GAS2L3: variants seen among roughly 807,000 people sequenced by gnomAD.
GAS2L3 encodes the protein GAS2-like protein 3.
In GAS2L3, 28 loss-of-function variants were observed where a neutral mutation model predicts 37.0. The observed-to-expected ratio is 0.76, with a 90% confidence interval of 0.56 to 1.04. The LOEUF is 1.04. Among genes scored for constraint, GAS2L3 ranks in the 50% least tolerant of loss-of-function variants. GAS2L3 has a pLI of 0.00. For missense variants in GAS2L3, 793 were observed against 817.6 expected (o/e 0.97, Z 0.37); for synonymous variants, 290 against 296.6 (o/e 0.98, Z 0.23).
intron 1 of GAS2L3, chr12:100,578,531 G>T: frequency 6.1e-6 from 1 of 162,810 alleles, no homozygotes; most frequent in Admixed American, 6.0e-5. Flanking sequence ...AACAGATTAG[G>T]TTAGCTGCAT....
At chr12:100,599,002 C>T (rs1364761144) in intron 3 of GAS2L3, among the ~76,000 whole-genome samples, 3 of 152,122 alleles carry the variant, frequency 2.0e-5, no homozygotes, top group Non-Finnish European at 4.4e-5. Context: ...GGACGTTCCC[C>T]CTTTGCACCT....
chr12:100,622,944 T>A lies in GAS2L3; in HGVS notation c.756+562T>A, dbSNP rs76154180. Among the ~76,000 whole-genome samples, 99 of 152,192 alleles carry A rather than the reference T, an allele frequency of 6.5e-4. No homozygotes were observed. The East Asian group carries it at 0.013, about 20-fold the overall frequency. On this transcript the variant is annotated intron_variant, in intron 9 of 9. Coordinates refer to ENST00000547754, the MANE Select transcript of GAS2L3 (RefSeq NM_174942.3). The stretch of plus-strand genomic sequence containing the variant: ...ACAGTTGATTAATTGTTCCTTTTGT[T>A]GGTAAGGAGATTGAAATTTCACCTG...
chr12:100,601,897 A>G (rs1955995002), intron 5 of GAS2L3, 144 bp downstream of exon 5: 1 of 431,486 alleles, frequency 2.3e-6, no homozygotes, highest in African/African-American at 2.0e-5. Flanking sequence ...CAAGATCTGG[A>G]AAAATGTTCT....
rs1002990105 is a variant in GAS2L3, at chr12:100,625,353, G to C, written c.*463G>C. 6.5e-6 allele frequency: 1 copy of C among 153,652 alleles called. No individual in the cohort carries two copies. The highest frequency in any genetic ancestry group is 2.4e-5 in the African/African-American group (1 of 41,176). The allele number at this position is 153,652 out of a possible 1,614,324, so 9.5% of individuals were successfully genotyped here. A position where few individuals can be genotyped will look rare whatever the true frequency, so the allele number is the denominator to read the frequency against. On this transcript the variant is annotated 3_prime_UTR_variant, in exon 10 of 10. Coordinates refer to ENST00000547754, the MANE Select transcript of GAS2L3 (RefSeq NM_174942.3). ...ACAGTTTGGCACTTGTCCTACAAAA[G>C]GCACCTAATTTAATTTTCTGATCAG... is the stretch of plus-strand genomic sequence containing the variant.
chr12:100,587,234 A>G (rs1955792531), intron 1 of GAS2L3, among the ~76,000 whole-genome samples: 1 of 152,230 alleles, frequency 6.6e-6, no homozygotes, highest in Non-Finnish European at 1.5e-5. Flanking sequence ...CTATGTAGCC[A>G]GCATCACCCT....
intron 1 of GAS2L3, among the ~76,000 whole-genome samples, chr12:100,585,957 T>C (rs1955776392): frequency 6.6e-6 from 1 of 152,208 alleles, no homozygotes; most frequent in Non-Finnish European, 1.5e-5. Flanking sequence ...TTCTTTTTCC[T>C]ACATATTCAT....
intron 1 of GAS2L3, among the ~76,000 whole-genome samples, chr12:100,575,374 T>C (rs566582860): frequency 4.3e-4 from 66 of 152,194 alleles, no homozygotes; most frequent in African/African-American, 1.6e-3. Flanking sequence ...ACACGTGGAT[T>C]ACTATTTATC....
At chr12:100,587,745 A>T (rs35692) in intron 1 of GAS2L3, among the ~76,000 whole-genome samples, 78,212 of 152,094 alleles carry the variant, frequency 0.51, 20,570 homozygotes, top group South Asian at 0.71. Context: ...AGCAGTGAGA[A>T]AAGAGAAAGA....
At chr12:100,595,411 TG>T (rs1235729381) in intron 3 of GAS2L3, among the ~76,000 whole-genome samples, 136 of 151,464 alleles carry the variant, frequency 9.0e-4, no homozygotes, top group African/African-American at 3.1e-3. Flanking sequence ...TTTTTTTTTT[TG>T]TTTTGTTTTT....
At chr12:100,580,314 T>G (rs182527491) in intron 1 of GAS2L3, 50 of 350,774 alleles carry the variant, frequency 1.4e-4, no homozygotes, top group African/African-American at 1.0e-3. Flanking sequence ...GTTAATTTAG[T>G]AAGTTATGCT....
chr12:100,624,918 A>G lies in GAS2L3; in HGVS notation c.*28A>G. 1 of 1,477,224 alleles carries G rather than the reference A, an allele frequency of 6.8e-7. No individual in the cohort carries two copies. The highest frequency in any genetic ancestry group is 9.2e-7 in the Non-Finnish European group (1 of 1,085,210). 91.5% of individuals were successfully genotyped at this position (1,477,224 alleles called of 1,614,324 possible). ...ACATACTCATTATAAAAAAAGAGAA[A>G]AGGAAGAATGAATGTGTTAGCTTCA... On this transcript the variant is annotated 3_prime_UTR_variant, in exon 10 of 10. Transcript: ENST00000547754.
intron 1 of GAS2L3, among the ~76,000 whole-genome samples, chr12:100,576,609 T>C (rs1350994903): frequency 3.3e-5 from 5 of 152,194 alleles, no homozygotes; most frequent in African/African-American, 7.2e-5. Flanking sequence ...TCTTGATTTT[T>C]AATTAGAGTT....
At position 100,585,054 on chromosome 12, in the gene GAS2L3, A is replaced by ATT. The variant is rs34714372; in HGVS notation, c.-151-6666_-151-6665dup. ...CAGGCACCCGCCACCACACCTGGCT[A>ATT]TTTTTTTTTTTTTTTTTGGTATTTT... On this transcript the variant is annotated intron_variant, in intron 1 of 9. Coordinates refer to ENST00000547754, the MANE Select transcript of GAS2L3 (RefSeq NM_174942.3). Among the ~76,000 whole-genome samples the ATT allele has an allele frequency of 9.3e-5, 11 of 118,624 alleles. No individual in the cohort carries two copies. In the East Asian group the frequency reaches 2.1e-3, roughly 22 times the overall value. The allele number at this position is 118,624 out of a possible 152,430, so 77.8% of individuals were successfully genotyped here. A position where few individuals can be genotyped will look rare whatever the true frequency, so the allele number is the denominator to read the frequency against.
chr12:100,587,948 A>G (rs576990680), intron 1 of GAS2L3, among the ~76,000 whole-genome samples: 3 of 152,162 alleles, frequency 2.0e-5, no homozygotes, highest in Non-Finnish European at 4.4e-5. Context: ...GCTACTCGGG[A>G]GGCTGAGGCA....
chr12:100,625,256 A>C lies in GAS2L3; in HGVS notation c.*366A>C, dbSNP rs1956320895. On this transcript the variant is annotated 3_prime_UTR_variant, in exon 10 of 10. Coordinates refer to ENST00000547754, the MANE Select transcript of GAS2L3 (RefSeq NM_174942.3). ...TGAATATGTATTAAATATGGAGTTC[A>C]TATACCTGCTAATATCAACGGTGGT... 6.1e-6 allele frequency: 1 copy of C among 163,674 alleles called. No homozygotes were observed. The highest frequency in any genetic ancestry group is 1.3e-5 in the Non-Finnish European group (1 of 74,562). 10.1% of individuals were successfully genotyped at this position (163,674 alleles called of 1,614,324 possible).
rs1442710292 is a variant in GAS2L3, at chr12:100,626,269, C to A, written c.*1379C>A. 6.6e-6 allele frequency: 1 copy of A among 152,166 alleles called. No homozygotes were observed. Among genetic ancestry groups the A allele is most frequent in the Admixed American group, 6.5e-5 (1 of 15,276 alleles). 9.4% of individuals were successfully genotyped at this position (152,166 alleles called of 1,614,324 possible). On this transcript the variant is annotated 3_prime_UTR_variant, in exon 10 of 10. Coordinates refer to ENST00000547754, the MANE Select transcript of GAS2L3 (RefSeq NM_174942.3). Reference sequence around the variant, plus strand: ...CACAAATGTACAATCATAGAATAAGCATTTTAAGCTGGCGACTAGTGTTCT... The same window carrying A: ...CACAAATGTACAATCATAGAATAAGAATTTTAAGCTGGCGACTAGTGTTCT...
chr12:100,579,912 G>C, intron 1 of GAS2L3: 1 of 762,156 alleles, frequency 1.3e-6, no homozygotes, highest in East Asian at 2.4e-5. Flanking sequence ...AAGGAATGTT[G>C]TGGAGAGAAC....
intron 3 of GAS2L3, among the ~76,000 whole-genome samples, chr12:100,598,051 AG>A (rs377177615): frequency 3.7e-4 from 56 of 152,256 alleles, no homozygotes; most frequent in African/African-American, 1.3e-3. Context: ...GCCATTTGAG[AG>A]GAAGTGGCGA....
At chr12:100,587,960 G>A (rs1035530841) in intron 1 of GAS2L3, among the ~76,000 whole-genome samples, 4 of 152,184 alleles carry the variant, frequency 2.6e-5, no homozygotes, top group African/African-American at 9.7e-5. Flanking sequence ...GCTGAGGCAG[G>A]AGAATGGTGT....
Sources: gnomAD v4.1 joint callset for allele counts (sites outside exome capture counted in the v4.1 genomes callset) on GRCh38, gnomAD v4.1.1 for gene constraint, MANE v1.5 for transcripts, NCBI Gene and HGNC (gene_info 2026-07-23, HGNC 2026-07-21) for gene names.